The following C5orf63 variants were observed in gnomAD, a reference collection of about 807,000 sequenced individuals.
C5orf63 encodes chromosome 5 open reading frame 63, also known as glutaredoxin-like protein C5orf63.
A neutral mutation model predicts 13.3 loss-of-function variants in C5orf63; 18 were observed. That is an observed-to-expected ratio of 1.36 (90% CI 0.94 to 2.01). C5orf63 has a LOEUF of 2.01. Among genes scored for constraint, C5orf63 ranks in the 30% most tolerant of loss-of-function variants. The probability of loss-of-function intolerance (pLI) is 0.00; values close to 1 mark genes in which losing one functional copy is unlikely to be tolerated. For missense variants in C5orf63, 118 were observed against 127.7 expected, an observed-to-expected ratio of 0.92 and a Z score of 0.36; for synonymous variants, 38 against 44.7, an observed-to-expected ratio of 0.85 and a Z score of 0.60.
At chr5:127,060,415 G>T (rs1754055790) in intron 2 of C5orf63, among the ~76,000 whole-genome samples, 1 of 152,134 alleles carries the variant, frequency 6.6e-6, no homozygotes, top group African/African-American at 2.4e-5. Flanking sequence ...TAAGACATAA[G>T]TCCTCTGTGA....
intron 3 of C5orf63, among the ~76,000 whole-genome samples, chr5:127,058,215 TG>T (rs1015713854): frequency 1.3e-5 from 2 of 152,128 alleles, no homozygotes; most frequent in African/African-American, 4.8e-5. Context: ...AATTAGGCCC[TG>T]GTGTCTATCA....
In C5orf63 at chr5:127,071,860, T is replaced by A. The variant is rs151308485; in HGVS notation, c.-109-175A>T. The A allele has an allele frequency of 1.9e-3, 291 of 152,284 alleles. 1 individual carries two copies. The highest frequency in any genetic ancestry group is 6.8e-3 in the African/African-American group (284 of 41,564). 9.4% of individuals were successfully genotyped at this position (152,284 alleles called of 1,614,324 possible). On this transcript the variant is annotated intron_variant, in intron 1 of 4. Coordinates refer to ENST00000296662, the MANE Select transcript of C5orf63 (RefSeq NM_001164478.2). ...TACAAGTTATGAAATAAAAAAACTT[T>A]AATAATAAAAAATAACCTATTTTAA...
rs745313126 is a variant in C5orf63 at position 127,059,005 on chromosome 5, G to A, written c.-7-3C>T. 2 of 1,506,560 alleles carry A rather than the reference G, an allele frequency of 1.3e-6. No individual in the cohort carries two copies. Among genetic ancestry groups the A allele is most frequent in the South Asian group, 2.4e-5 (2 of 83,344 alleles). The allele number at this position is 1,506,560 out of a possible 1,614,324, so 93.3% of individuals were successfully genotyped here. A position where few individuals can be genotyped will look rare whatever the true frequency, so the allele number is the denominator to read the frequency against. ...CTTGAAACCAGAGCATCTTAATTCT[G>A]CCAAAAGAAAAATAAAGCAGTAAAC... On this transcript the variant is annotated splice_polypyrimidine_tract_variant and splice_region_variant and intron_variant, in intron 2 of 4. Coordinates refer to ENST00000296662, the MANE Select transcript of C5orf63 (RefSeq NM_001164478.2).
rs577521826 is a variant in C5orf63 at position 127,051,374 on chromosome 5, G to A, written c.*397C>T. ...ATTCACATTTCACTTTATCTACTGAGTGGAAGAGCATTTATTCTTTCATTA... is the reference window on the plus strand; with the variant it reads ...ATTCACATTTCACTTTATCTACTGAATGGAAGAGCATTTATTCTTTCATTA... On this transcript the variant is annotated 3_prime_UTR_variant, in exon 5 of 5. Transcript: ENST00000296662. 19 of 1,232,164 alleles carry A rather than the reference G, an allele frequency of 1.5e-5. No homozygotes were observed. Among genetic ancestry groups the A allele is most frequent in the Non-Finnish European group, 1.9e-5 (19 of 988,248 alleles). The allele number at this position is 1,232,164 out of a possible 1,614,324, so 76.3% of individuals were successfully genotyped here.
chr5:127,048,914 TAGG>T (rs1753589098), downstream of C5orf63, among the ~76,000 whole-genome samples: 1 of 152,188 alleles, frequency 6.6e-6, no homozygotes, highest in South Asian at 2.1e-4. Context: ...ACTGGTGGTC[TAGG>T]AGAAGAATCA....
downstream of C5orf63, chr5:127,046,523 T>C (rs931761021): frequency 6.6e-6 from 1 of 152,266 alleles, no homozygotes; most frequent in Non-Finnish European, 1.5e-5. Context: ...TATGGTAGAA[T>C]GTCACATTCT....
At chr5:127,063,671 T>C (rs985301263) in intron 2 of C5orf63, among the ~76,000 whole-genome samples, 8 of 152,206 alleles carry the variant, frequency 5.3e-5, no homozygotes, top group Admixed American at 5.2e-4. Context: ...ACAGATAATG[T>C]TGGAGCTTGT....
At chr5:127,059,685 A>G (rs1754022411) in intron 2 of C5orf63, among the ~76,000 whole-genome samples, 1 of 150,924 alleles carries the variant, frequency 6.6e-6, no homozygotes, top group Admixed American at 6.6e-5. Flanking sequence ...CCATGATTGC[A>G]CCACTGCACT....
downstream of C5orf63, chr5:127,044,656 T>C (rs1038532626): frequency 1.3e-5 from 2 of 151,932 alleles, no homozygotes; most frequent in East Asian, 1.9e-4. Flanking sequence ...TGGACTATAA[T>C]GGGTTACTAT....
In C5orf63 at chr5:127,059,022, G is replaced by A; in HGVS notation, c.-7-20C>T. On this transcript the variant is annotated intron_variant, in intron 2 of 4. Coordinates refer to ENST00000296662, the MANE Select transcript of C5orf63 (RefSeq NM_001164478.2). ...TTAATTCTGCCAAAAGAAAAATAAA[G>A]CAGTAAACTTATGTGCCCTAGACTT... 7.1e-7 allele frequency: 1 copy of A among 1,407,158 alleles called. No homozygotes were observed. Among genetic ancestry groups the A allele is most frequent in the African/African-American group, 1.4e-5 (1 of 70,534 alleles). The allele number at this position is 1,407,158 out of a possible 1,614,324, so 87.2% of individuals were successfully genotyped here. A position where few individuals can be genotyped will look rare whatever the true frequency, so the allele number is the denominator to read the frequency against.
chr5:127,047,593 A>C (rs1473779773), downstream of C5orf63: 6 of 638,062 alleles, frequency 9.4e-6, no homozygotes, highest in East Asian at 1.6e-4. Context: ...TATGTAACCA[A>C]TACTCTAAAT....
downstream of C5orf63, chr5:127,042,900 T>C (rs1182562828): frequency 3.3e-5 from 5 of 152,188 alleles, no homozygotes; most frequent in African/African-American, 1.2e-4. Flanking sequence ...TTTTTTTCAA[T>C]GTTCAGCATA....
downstream of C5orf63, among the ~76,000 whole-genome samples, chr5:127,050,659 A>G (rs1470087366): frequency 1.3e-5 from 2 of 152,118 alleles, no homozygotes; most frequent in East Asian, 3.9e-4. Flanking sequence ...ATATTCTCTG[A>G]ATTTCAGATT....
At chr5:127,044,760 C>T, downstream of C5orf63, 1 of 146,450 alleles carries the variant, frequency 6.8e-6, no homozygotes, top group Non-Finnish European at 1.5e-5. Flanking sequence ...ATGGCTACCT[C>T]ATTCTATGCT....
At chr5:127,058,798 C>A in intron 3 of C5orf63, 84 bp downstream of exon 3, 1 of 854,536 alleles carries the variant, frequency 1.2e-6, no homozygotes, top group Non-Finnish European at 1.9e-6. Flanking sequence ...AAAGCTTATT[C>A]CATTGCCTTT....
At chr5:127,053,005 C>T (rs1753741879) in intron 3 of C5orf63, among the ~76,000 whole-genome samples, 1 of 152,136 alleles carries the variant, frequency 6.6e-6, no homozygotes, top group Non-Finnish European at 1.5e-5. Context: ...AGGTCAGGTG[C>T]ACCCTTGTGG....
downstream of C5orf63, chr5:127,044,769 C>CTTTTTT (rs5871239): frequency 2.3e-5 from 3 of 127,908 alleles, no homozygotes; most frequent in Non-Finnish European, 1.6e-5. Context: ...TCATTCTATG[C>CTTTTTT]TTTTTTTTTT....
chr5:127,047,408 C>G (rs1753542696), downstream of C5orf63: 1 of 335,198 alleles, frequency 3.0e-6, no homozygotes, highest in Non-Finnish European at 5.4e-6. Context: ...GATAATCAAA[C>G]CACCTTTTAG....
chr5:127,062,933 C>T (rs534507676), intron 2 of C5orf63, among the ~76,000 whole-genome samples: 17 of 151,914 alleles, frequency 1.1e-4, no homozygotes, highest in African/African-American at 4.1e-4. Context: ...TGTTATATGC[C>T]TCTATGATAT....
Sources: allele counts gnomAD v4.1 joint callset (sites outside exome capture counted in the v4.1 genomes callset), GRCh38; gene constraint gnomAD v4.1.1; transcripts MANE v1.5; gene names NCBI Gene and HGNC (gene_info 2026-07-23, HGNC 2026-07-21).